Variants in GNG2 observed in about 807,000 individuals in gnomAD.
The protein encoded by GNG2 is G protein subunit gamma 2, also known as guanine nucleotide-binding protein G(I)/G(S)/G(O) subunit gamma-2.
A neutral mutation model predicts 5.5 loss-of-function variants in GNG2; 5 were observed. The ratio of observed to expected loss-of-function variants is 0.91; its 90% CI spans 0.48 to 1.92. The LOEUF (loss-of-function observed/expected upper bound fraction) is 1.92. GNG2 is among the 30% of genes most tolerant of loss of function. The probability of loss-of-function intolerance (pLI) is 0.01; values close to 1 mark genes in which losing one functional copy is unlikely to be tolerated. For synonymous variants in GNG2, 28 were observed against 32.0 expected (o/e 0.88, Z 0.42); for missense variants, 55 against 88.4 (o/e 0.62, Z 1.52).
At position 51,968,451 on chromosome 14, in the gene GNG2, A is replaced by C. The variant is rs1890046161; in HGVS notation, c.*1764A>C. ...AACAGACTTGGTAAATGTTTTCCTTAGCTCCTTCATGGGCATGCTGGTGAA... is the reference window on the plus strand; with the variant it reads ...AACAGACTTGGTAAATGTTTTCCTTCGCTCCTTCATGGGCATGCTGGTGAA... On this transcript the variant is annotated 3_prime_UTR_variant, in exon 4 of 4. Coordinates refer to ENST00000556766, the MANE Select transcript of GNG2 (RefSeq NM_053064.5). 1 of 152,132 alleles carries C rather than the reference A, an allele frequency of 6.6e-6. No homozygotes were observed. The highest frequency in any genetic ancestry group is 2.1e-4 in the South Asian group (1 of 4,830). The allele number at this position is 152,132 out of a possible 1,614,324, so 9.4% of individuals were successfully genotyped here.
At chr14:51,960,776 TAATAA>T (rs1313021355) in intron 3 of GNG2, among the ~76,000 whole-genome samples, 1 of 152,186 alleles carries the variant, frequency 6.6e-6, no homozygotes, top group Non-Finnish European at 1.5e-5. Context: ...ACTAATGAAG[TAATAA>T]CCTTGTTAGG....
intron 2 of GNG2, among the ~76,000 whole-genome samples, chr14:51,946,304 G>A (rs369733554): frequency 3.5e-4 from 53 of 152,102 alleles, no homozygotes; most frequent in African/African-American, 1.1e-3. Context: ...ATAGATGTGG[G>A]CAAATCAAAA....
At chr14:51,951,106 G>A (rs945702126) in intron 3 of GNG2, among the ~76,000 whole-genome samples, 1 of 152,152 alleles carries the variant, frequency 6.6e-6, no homozygotes. Flanking sequence ...TTCTTATTTG[G>A]TTTTTAATTT....
At chr14:51,959,763 C>T (rs1306747234) in intron 3 of GNG2, among the ~76,000 whole-genome samples, 1 of 152,044 alleles carries the variant, frequency 6.6e-6, no homozygotes, top group Non-Finnish European at 1.5e-5. Context: ...TGAACTATTG[C>T]AACCTGTTCC....
At chr14:51,926,091 A>T (rs1887301589) in intron 2 of GNG2, among the ~76,000 whole-genome samples, 1 of 151,540 alleles carries the variant, frequency 6.6e-6, no homozygotes, top group Admixed American at 6.6e-5. Context: ...TTCTAGAGAC[A>T]TTGAGACGGT....
chr14:51,913,575 G>A (rs143406455), intron 2 of GNG2, among the ~76,000 whole-genome samples: 1 of 152,252 alleles, frequency 6.6e-6, no homozygotes. Flanking sequence ...GGGATCATAG[G>A]ATGAGAGGGC....
intron 2 of GNG2, among the ~76,000 whole-genome samples, chr14:51,915,335 G>T (rs956440148): frequency 4.6e-5 from 7 of 152,254 alleles, no homozygotes; most frequent in Non-Finnish European, 8.8e-5. Context: ...TTATGAGGGA[G>T]AGGATGCATT....
chr14:51,875,764 A>G (rs1167404471), intron 1 of GNG2, among the ~76,000 whole-genome samples: 1 of 150,728 alleles, frequency 6.6e-6, no homozygotes, highest in African/African-American at 2.4e-5. Context: ...CACACTATAT[A>G]TAATATTTTA....
intron 2 of GNG2, among the ~76,000 whole-genome samples, chr14:51,944,731 A>G (rs1213059532): frequency 6.6e-6 from 1 of 152,218 alleles, no homozygotes; most frequent in Non-Finnish European, 1.5e-5. Flanking sequence ...GCTTCATGAC[A>G]TTGAATTTGT....
At chr14:51,878,776 A>G (rs543097878) in intron 2 of GNG2, among the ~76,000 whole-genome samples, 1 of 152,208 alleles carries the variant, frequency 6.6e-6, no homozygotes, top group Non-Finnish European at 1.5e-5. Flanking sequence ...TTGCTGCCCT[A>G]TAGTCAAGTT....
upstream of GNG2, among the ~76,000 whole-genome samples, chr14:51,856,071 G>A (rs1404178947): frequency 3.9e-5 from 6 of 152,112 alleles, no homozygotes; most frequent in African/African-American, 9.7e-5. Flanking sequence ...CCAGCTACTC[G>A]GGAAGCTGAG....
intron 2 of GNG2, among the ~76,000 whole-genome samples, chr14:51,852,894 T>C (rs538023143): frequency 6.6e-5 from 10 of 152,368 alleles, no homozygotes; most frequent in Non-Finnish European, 1.0e-4. Context: ...CTACATATAG[T>C]GGGACTTCAT....
At chr14:51,840,711 T>C (rs138856879) in intron 2 of GNG2, among the ~76,000 whole-genome samples, 1 of 152,344 alleles carries the variant, frequency 6.6e-6, no homozygotes, top group African/African-American at 2.4e-5. Flanking sequence ...AATCTGCCCA[T>C]AGGTCAAGCA....
chr14:51,940,961 G>T (rs539196460), intron 2 of GNG2, among the ~76,000 whole-genome samples: 1 of 152,116 alleles, frequency 6.6e-6, no homozygotes, highest in African/African-American at 2.4e-5. Context: ...CCCTTTAGAG[G>T]AATGGATATT....
intron 1 of GNG2, among the ~76,000 whole-genome samples, chr14:51,872,342 T>C (rs1329364971): frequency 6.7e-6 from 1 of 149,018 alleles, no homozygotes; most frequent in Admixed American, 6.6e-5. Flanking sequence ...GTGTAATGTA[T>C]TATATGTTAG....
At chr14:51,919,987 T>C (rs1378592412) in intron 2 of GNG2, among the ~76,000 whole-genome samples, 1 of 152,218 alleles carries the variant, frequency 6.6e-6, no homozygotes, top group East Asian at 1.9e-4. Context: ...TGTCCCTCTG[T>C]ATCTGTTGGG....
At chr14:51,897,167 T>C (rs1338431026) in intron 2 of GNG2, among the ~76,000 whole-genome samples, 2 of 152,204 alleles carry the variant, frequency 1.3e-5, no homozygotes, top group African/African-American at 2.4e-5. Context: ...AAGAAGAACT[T>C]TGGCCTTTGG....
Position 51,969,066 on chromosome 14 carries a change from C to A in GNG2, c.*2379C>A, listed in dbSNP as rs1238392912. On this transcript the variant is annotated 3_prime_UTR_variant, in exon 4 of 4. Transcript: ENST00000556766. ...TACTTATTCAGGGGAAAAAGTCTTTCGATTACTTATGCCTCTATAGAGCTT... is the reference window on the plus strand; with the variant it reads ...TACTTATTCAGGGGAAAAAGTCTTTAGATTACTTATGCCTCTATAGAGCTT... 1 of 152,086 alleles carries A rather than the reference C, an allele frequency of 6.6e-6. No individual in the cohort carries two copies. 9.4% of individuals were successfully genotyped at this position (152,086 alleles called of 1,614,324 possible).
At chr14:51,943,100 G>T (rs556498642) in intron 2 of GNG2, among the ~76,000 whole-genome samples, 37 of 152,266 alleles carry the variant, frequency 2.4e-4, no homozygotes, top group African/African-American at 8.7e-4. Flanking sequence ...TGCCTCTGGG[G>T]TGGTCCTCTG....
Sources: gnomAD v4.1 joint callset for allele counts (sites outside exome capture counted in the v4.1 genomes callset) on GRCh38, gnomAD v4.1.1 for gene constraint, MANE v1.5 for transcripts, NCBI Gene and HGNC (gene_info 2026-07-23, HGNC 2026-07-21) for gene names.